The following SPTB variants were observed in gnomAD, a reference collection of about 807,000 sequenced individuals.
SPTB encodes spectrin beta, erythrocytic.
Under a neutral mutation model 256.2 loss-of-function variants are expected in SPTB, and 45 were observed. That is an observed-to-expected ratio of 0.18 (90% CI 0.14 to 0.23). SPTB has a LOEUF of 0.23. Among genes scored for constraint, SPTB ranks in the 10% least tolerant of loss-of-function variants. The pLI is 1.00. For missense variants in SPTB, 2,715 were observed against 3,040.4 expected, an observed-to-expected ratio of 0.89 and a Z score of 2.52; for synonymous variants, 1,231 against 1,243.1, an observed-to-expected ratio of 0.99 and a Z score of 0.21.
At chr14:64,767,959 T>G (rs2082217034) in intron 29 of SPTB, 100 bp from the exon 30 acceptor site, 1 of 1,364,572 alleles carries the variant, frequency 7.3e-7, no homozygotes, top group African/African-American at 1.4e-5. Context: ...GCAGGTGGCC[T>G]GAATAGGTGT....
chr14:64,843,371 C>CTCTCA (rs2083637962), intron 1 of SPTB, among the ~76,000 whole-genome samples: 1 of 152,134 alleles, frequency 6.6e-6, no homozygotes, highest in Non-Finnish European at 1.5e-5. Context: ...TACTCAAGGT[C>CTCTCA]TGTCATGTTG....
chr14:64,785,844 C>T lies in SPTB; in HGVS notation c.3669G>A (p.Lys1223=). The change falls in exon 17 of 36, where the codon AAG becomes AAA. Residue 1223 remains lysine, a synonymous_variant. Transcript: ENST00000644917. The surrounding 1 kb of genome is among the most constrained non-coding windows in gnomAD (Gnocchi z 4.4). ...TTCCAGAGTCCACAGGACTCAAGAC[C>T]TTATCCCGGTTGTTCTCCATAGACC... ...FLGSMENNRD[K]VLSPVDSGNK... 3 of 1,614,118 alleles carry T rather than the reference C, an allele frequency of 1.9e-6. No homozygotes were observed. The highest frequency in any genetic ancestry group is 2.5e-6 in the Non-Finnish European group (3 of 1,180,012).
rs1453304086 is a variant in SPTB at position 64,823,416 on chromosome 14, CG to C, written c.-51-272del. 1.3e-5 allele frequency among the ~76,000 whole-genome samples: 2 copies of C among 152,200 alleles called. No individual in the cohort carries two copies. Among genetic ancestry groups the C allele is most frequent in the Non-Finnish European group, 2.9e-5 (2 of 68,038 alleles). ...ACGGCCAGCAGGTGGAGACGTCAGT[CG>C]CAGCCAGCTGCTTCCTCCAGACCAG... On this transcript the variant is annotated intron_variant, in intron 1 of 35. Coordinates refer to ENST00000644917, the MANE Select transcript of SPTB (RefSeq NM_001355436.2). This position sits in a 1 kb window ranked among gnomAD's most constrained non-coding sequence, Gnocchi z 6.5.
At chr14:64,761,057 T>C (rs1594746400) in intron 32 of SPTB, among the ~76,000 whole-genome samples, 1 of 152,352 alleles carries the variant, frequency 6.6e-6, no homozygotes, top group South Asian at 2.1e-4. Context: ...GAAGACGGGC[T>C]TGGGGCCAAA....
At position 64,791,804 on chromosome 14, in the gene SPTB, C is replaced by A; in HGVS notation, c.2719G>T (p.Val907Leu). The A allele has an allele frequency of 1.2e-6, 2 of 1,614,198 alleles. No individual in the cohort carries two copies. Among genetic ancestry groups the A allele is most frequent in the African/African-American group, 1.3e-5 (1 of 75,050 alleles). The change falls in exon 15 of 36, where the codon GTG becomes TTG. Residue 907 changes from valine (V) to leucine (L), a missense_variant. By Grantham distance (32) the Val-to-Leu change is conservative (BLOSUM62 1). Coordinates refer to ENST00000644917, the MANE Select transcript of SPTB (RefSeq NM_001355436.2). ...MKTLMTQIDG[V>L]NLAANSLVES... ...ACCAAGCTGTTGGCAGCGAGGTTCA[C>A]ACCATCAATCTGAGTCATCAAGGTC...
At chr14:64,781,046 T>C (rs920624383) in intron 20 of SPTB, among the ~76,000 whole-genome samples, 1 of 151,844 alleles carries the variant, frequency 6.6e-6, no homozygotes, top group African/African-American at 2.4e-5. Context: ...AGCTGGGCCC[T>C]TTCATTAGAC....
At chr14:64,840,826 AG>A in intron 1 of SPTB, among the ~76,000 whole-genome samples, 1 of 152,332 alleles carries the variant, frequency 6.6e-6, no homozygotes, top group South Asian at 2.1e-4. Flanking sequence ...CAGGACAGAG[AG>A]GTGGATAGGG....
In SPTB at chr14:64,876,234, C is replaced by T. The variant is rs1217857083; in HGVS notation, c.-52+3558G>A. Among the ~76,000 whole-genome samples, 4 of 152,112 alleles carry T rather than the reference C, an allele frequency of 2.6e-5. No individual in the cohort carries two copies. In the East Asian group the frequency reaches 7.7e-4, roughly 29 times the overall value. On this transcript the variant is annotated intron_variant, in intron 1 of 35. Coordinates refer to ENST00000644917, the MANE Select transcript of SPTB (RefSeq NM_001355436.2). ...TCGGTTCACTGCAACCTCTACCGCC[C>T]AGGTTCGAGCAATTTTCCTGTCTCA...
intron 1 of SPTB, among the ~76,000 whole-genome samples, chr14:64,846,146 A>T (rs2139763957): frequency 6.6e-6 from 1 of 152,208 alleles, no homozygotes; most frequent in East Asian, 1.9e-4. Context: ...ACGCATCAGG[A>T]TGACTGGAAT....
rs572194099 is a variant in SPTB, at chr14:64,816,236, C to G, written c.148+6711G>C. Among the ~76,000 whole-genome samples the G allele has an allele frequency of 1.7e-3, 253 of 152,336 alleles. 2 individuals are homozygous for G. Among genetic ancestry groups the G allele is most frequent in the Non-Finnish European group, 1.6e-3 (107 of 68,030 alleles). On this transcript the variant is annotated intron_variant, in intron 2 of 35. Coordinates refer to ENST00000644917, the MANE Select transcript of SPTB (RefSeq NM_001355436.2). The surrounding 1 kb of genome is among the most constrained non-coding windows in gnomAD (Gnocchi z 4.2). ...TGCTCCCTCTCTCGGACCCTTCAAC[C>G]CTGCCACTGTATGGAAAGGCACGCT... is the stretch of plus-strand genomic sequence containing the variant.
In SPTB at chr14:64,827,657, C is replaced by A. The variant is rs1385124984; in HGVS notation, c.-51-4512G>T. ...GTACCTTAAAGAATAGTCAAATACA[C>A]AAAAACACATGTGCACACACTCACT... is the stretch of plus-strand genomic sequence containing the variant. On this transcript the variant is annotated intron_variant, in intron 1 of 35. Coordinates refer to ENST00000644917, the MANE Select transcript of SPTB (RefSeq NM_001355436.2). This position sits in a 1 kb window ranked among gnomAD's most constrained non-coding sequence, Gnocchi z 4.6. Among the ~76,000 whole-genome samples, 2 of 152,172 alleles carry A rather than the reference C, an allele frequency of 1.3e-5. No individual in the cohort carries two copies. Among genetic ancestry groups the A allele is most frequent in the Non-Finnish European group, 2.9e-5 (2 of 68,042 alleles).
intron 1 of SPTB, among the ~76,000 whole-genome samples, chr14:64,859,614 C>T (rs2139797236): frequency 6.6e-6 from 1 of 152,178 alleles, no homozygotes; most frequent in East Asian, 1.9e-4. Context: ...TGTGGTAGTG[C>T]ATACCTGTGG....
At chr14:64,776,223 C>G (rs2082353797) in intron 22 of SPTB, among the ~76,000 whole-genome samples, 1 of 152,160 alleles carries the variant, frequency 6.6e-6, no homozygotes, top group African/African-American at 2.4e-5. Flanking sequence ...AAGAGCAGCC[C>G]ACATGAGCAG....
rs2082201200 is a variant in SPTB, at chr14:64,767,326, T to C, written c.6246A>G (p.Ala2082=). 6.2e-7 allele frequency: 1 copy of C among 1,613,968 alleles called. No individual in the cohort carries two copies. Among genetic ancestry groups the C allele is most frequent in the Non-Finnish European group, 8.5e-7 (1 of 1,180,026 alleles). ...ACCCAGTCTCCTCTGCGGGTCTCTC[T>C]GCAATCTGGCGTTCTTTCAGCTCAA... ...TTLELKERQI[A]ERPAEETGPQ... The change falls in exon 31 of 36, where the codon GCA becomes GCG. Residue 2082 remains alanine (A), a synonymous_variant. Coordinates refer to ENST00000644917, the MANE Select transcript of SPTB (RefSeq NM_001355436.2).
intron 1 of SPTB, among the ~76,000 whole-genome samples, chr14:64,854,557 T>G (rs922674834): frequency 6.6e-6 from 1 of 151,980 alleles, no homozygotes; most frequent in Non-Finnish European, 1.5e-5. Context: ...GGATTACAGG[T>G]GTGAGCCACC....
rs776954379 is a variant in SPTB, at chr14:64,767,761, C to T, written c.6121G>A (p.Val2041Met). 3.7e-6 allele frequency: 6 copies of T among 1,614,112 alleles called. No individual in the cohort carries two copies. The Admixed American group carries it at 8.3e-5, about 22-fold the overall frequency. Residue 2041 changes from valine to methionine, a missense_variant, in exon 30 of 36, where the codon GTG becomes ATG. By Grantham distance (21) the Val-to-Met change is conservative. Coordinates refer to ENST00000644917, the MANE Select transcript of SPTB (RefSeq NM_001355436.2). ...TTGATGAGCTTCTCCACACTGTCCA[C>T]TGTGTGTCCAAAGTCCCCGCTGGCC... ...YLASGDFGHT[V>M]DSVEKLIKRH...
chr14:64,846,211 G>A (rs1488650125), intron 1 of SPTB, among the ~76,000 whole-genome samples: 5 of 152,116 alleles, frequency 3.3e-5, no homozygotes, highest in Admixed American at 6.5e-5. Context: ...AAGACTACAC[G>A]GTAATTAAAA....
At chr14:64,810,415 A>T (rs975331457) in intron 2 of SPTB, among the ~76,000 whole-genome samples, 1 of 152,232 alleles carries the variant, frequency 6.6e-6, no homozygotes. Context: ...GTGGTGGCTC[A>T]CGCCTGTAAT....
chr14:64,771,107 G>T lies in SPTB; in HGVS notation c.5576C>A (p.Ala1859Asp). 6.2e-7 allele frequency: 1 copy of T among 1,613,898 alleles called. No individual in the cohort carries two copies. ...AGCATATGCTGTCTGCAGACGGGTG[G>T]CCACGTCCTGGAACTGCTGCACCTG... ...GVQVQQFQDVATRLQTAYAGE... is the reference protein window; with the variant it reads ...GVQVQQFQDVDTRLQTAYAGE... The change falls in exon 27 of 36, where the codon GCC becomes GAC. Residue 1859 changes from alanine to aspartate, a missense_variant. By Grantham distance (126) the Ala-to-Asp change is moderately radical. This residue lies in a region of SPTB where 2,239 missense variants were observed against 2,384.4 expected (regional missense o/e 0.94). Transcript: ENST00000644917.
Sources: allele counts gnomAD v4.1 joint callset (sites outside exome capture counted in the v4.1 genomes callset), GRCh38; gene constraint gnomAD v4.1.1; regional missense constraint gnomAD v4.1.1; non-coding constraint Gnocchi (gnomAD v3.1); transcripts MANE v1.5; gene names NCBI Gene and HGNC (gene_info 2026-07-23, HGNC 2026-07-21).